The following PLEKHM3 variants were observed in gnomAD, a reference collection of about 807,000 sequenced individuals.
PLEKHM3 encodes the protein pleckstrin homology domain-containing family M member 3.
Under a neutral mutation model 81.8 loss-of-function variants are expected in PLEKHM3, and 45 were observed. That is an observed-to-expected ratio of 0.55 (90% confidence interval 0.43 to 0.71). The LOEUF is 0.71. Ranked by LOEUF, PLEKHM3 falls within the 30% of genes least tolerant of loss-of-function variation. The pLI is 0.00. For synonymous variants in PLEKHM3, 352 were observed against 356.4 expected (o/e 0.99, Z 0.14); for missense variants, 788 against 924.3 (o/e 0.85, Z 1.91).
intron 2 of PLEKHM3, among the ~76,000 whole-genome samples, chr2:207,987,185 C>G (rs1453204706): frequency 1.3e-5 from 2 of 152,142 alleles, no homozygotes; most frequent in Non-Finnish European, 2.9e-5. Flanking sequence ...GGCTCTGGCC[C>G]AGGTGCTGCC....
intron 2 of PLEKHM3, among the ~76,000 whole-genome samples, chr2:207,979,576 T>A (rs182451630): frequency 5.5e-4 from 83 of 151,540 alleles, no homozygotes; most frequent in African/African-American, 1.9e-3. Context: ...GACATCCATG[T>A]GAAGGATGTC....
At chr2:207,973,986 C>T (rs1280414331) in intron 3 of PLEKHM3, among the ~76,000 whole-genome samples, 3 of 152,072 alleles carry the variant, frequency 2.0e-5, no homozygotes, top group African/African-American at 4.8e-5. Flanking sequence ...GTTAAAACTC[C>T]GAACCAAAGC....
intron 5 of PLEKHM3, among the ~76,000 whole-genome samples, chr2:207,922,197 T>A (rs2105923280): frequency 6.6e-6 from 1 of 152,326 alleles, no homozygotes; most frequent in African/African-American, 2.4e-5. Context: ...TGAGATGATA[T>A]CTCCTTGTGG....
At chr2:207,914,444 G>A (rs1011107063) in intron 5 of PLEKHM3, among the ~76,000 whole-genome samples, 3 of 151,750 alleles carry the variant, frequency 2.0e-5, no homozygotes, top group Non-Finnish European at 2.9e-5. Flanking sequence ...GTTGCAGTGA[G>A]CCAACATCGC....
intron 1 of PLEKHM3, among the ~76,000 whole-genome samples, chr2:208,015,068 C>A (rs1479887373): frequency 6.6e-6 from 1 of 152,202 alleles, no homozygotes; most frequent in African/African-American, 2.4e-5. Flanking sequence ...ATATTTATTG[C>A]ATACTTACTA....
chr2:207,959,877 A>T (rs1023801156), intron 3 of PLEKHM3, among the ~76,000 whole-genome samples: 2 of 151,814 alleles, frequency 1.3e-5, no homozygotes, highest in Non-Finnish European at 2.9e-5. Flanking sequence ...ACCCCAACCA[A>T]ATTATTTATG....
At chr2:207,919,574 C>T (rs1045624317) in intron 5 of PLEKHM3, among the ~76,000 whole-genome samples, 7 of 151,986 alleles carry the variant, frequency 4.6e-5, no homozygotes, top group African/African-American at 7.3e-5. Context: ...ACAGGTTTGC[C>T]GACTGGATGT....
At chr2:208,017,612 G>A (rs907860552) in intron 1 of PLEKHM3, among the ~76,000 whole-genome samples, 2 of 152,090 alleles carry the variant, frequency 1.3e-5, no homozygotes, top group Non-Finnish European at 2.9e-5. Context: ...CCACAGCTAG[G>A]ATACTTTCCC....
At chr2:207,918,056 T>C (rs962788619) in intron 5 of PLEKHM3, among the ~76,000 whole-genome samples, 1 of 152,160 alleles carries the variant, frequency 6.6e-6, no homozygotes, top group African/African-American at 2.4e-5. Flanking sequence ...CATGCAATCT[T>C]TTGAGTACAC....
At chr2:207,998,768 A>G (rs1692200050) in intron 2 of PLEKHM3, among the ~76,000 whole-genome samples, 2 of 152,208 alleles carry the variant, frequency 1.3e-5, no homozygotes, top group African/African-American at 4.8e-5. Context: ...AAAACAAGAT[A>G]GGAAAAATAA....
intron 5 of PLEKHM3, among the ~76,000 whole-genome samples, chr2:207,919,282 G>A (rs906642520): frequency 1.3e-5 from 2 of 152,186 alleles, no homozygotes; most frequent in African/African-American, 4.8e-5. Flanking sequence ...GGAACAGAGT[G>A]AATGAGGGGG....
intron 3 of PLEKHM3, among the ~76,000 whole-genome samples, chr2:207,947,781 T>C (rs1023108842): frequency 1.3e-5 from 2 of 152,296 alleles, no homozygotes; most frequent in Admixed American, 6.5e-5. Context: ...TGTAACCCTT[T>C]CCATTACAAG....
At chr2:207,912,000 A>C (rs900393311) in intron 5 of PLEKHM3, among the ~76,000 whole-genome samples, 1 of 152,236 alleles carries the variant, frequency 6.6e-6, no homozygotes, top group Non-Finnish European at 1.5e-5. Flanking sequence ...TCACACTGGC[A>C]TACTCTTCCT....
rs115336244 is a variant in PLEKHM3, at chr2:207,874,124, C to A, written c.1951-12862G>T. Among the ~76,000 whole-genome samples the A allele has an allele frequency of 2.9e-3, 443 of 152,210 alleles. 2 individuals are homozygous for A. The highest frequency in any genetic ancestry group is 0.01 in the African/African-American group (421 of 41,512). ...CTGTTGTGTCTGCAGTGTCTGTATG[C>A]CTGGGCACCTGTACATCCGGAATAT... On this transcript the variant is annotated intron_variant, in intron 6 of 7. Transcript: ENST00000427836.
Position 208,012,338 on chromosome 2 carries a change from G to A in PLEKHM3, c.-318-10381C>T, listed in dbSNP as rs13422757. 9.5e-3 allele frequency among the ~76,000 whole-genome samples: 1,440 copies of A among 152,304 alleles called. 27 individuals are homozygous for A. Among genetic ancestry groups the A allele is most frequent in the African/African-American group, 0.033 (1,376 of 41,548 alleles). ...ACTTGTAGTAACCTCAAAAAAGAGAGGTGAGTAAAGTAATGGGACTATTTT... is the reference window on the plus strand; with the variant it reads ...ACTTGTAGTAACCTCAAAAAAGAGAAGTGAGTAAAGTAATGGGACTATTTT... On this transcript the variant is annotated intron_variant, in intron 1 of 7. Coordinates refer to ENST00000427836, the MANE Select transcript of PLEKHM3 (RefSeq NM_001080475.3).
rs539835431 is a variant in PLEKHM3 at position 207,902,709 on chromosome 2, T to C, written c.1950+5805A>G. ...CCAGCTTTTCTAATTTTGTTTTGTT[T>C]AGCGGCTAATGTTAATCAGTTTGCT... On this transcript the variant is annotated intron_variant, in intron 6 of 7. Coordinates refer to ENST00000427836, the MANE Select transcript of PLEKHM3 (RefSeq NM_001080475.3). 7.9e-5 allele frequency among the ~76,000 whole-genome samples: 12 copies of C among 152,300 alleles called. No individual in the cohort carries two copies. The South Asian group carries it at 2.1e-3, about 26-fold the overall frequency.
chr2:207,962,623 C>T (rs183029637), intron 3 of PLEKHM3, among the ~76,000 whole-genome samples: 31 of 152,292 alleles, frequency 2.0e-4, no homozygotes, highest in Admixed American at 1.9e-3. Context: ...CTTGCACTGG[C>T]ATCTGAAGTG....
chr2:207,832,518 G>A (rs1391457378), intron 7 of PLEKHM3, among the ~76,000 whole-genome samples: 3 of 152,326 alleles, frequency 2.0e-5, no homozygotes, highest in African/African-American at 7.2e-5. Flanking sequence ...TTGGCCGGGT[G>A]CAGTGGCTCA....
chr2:208,020,709 G>GA (rs918886998), intron 1 of PLEKHM3, among the ~76,000 whole-genome samples: 20 of 151,078 alleles, frequency 1.3e-4, no homozygotes, highest in Non-Finnish European at 2.2e-4. Context: ...AACGCAAGAA[G>GA]AAAAAAAAAC....
Sources: gnomAD v4.1 joint callset for allele counts (sites outside exome capture counted in the v4.1 genomes callset) on GRCh38, gnomAD v4.1.1 for gene constraint, MANE v1.5 for transcripts, NCBI Gene and HGNC (gene_info 2026-07-23, HGNC 2026-07-21) for gene names.